Variants in DLG2 observed in about 807,000 individuals in gnomAD.
The protein encoded by DLG2 is disks large homolog 2.
DLG2 carries 45 observed loss-of-function variants against 132.5 expected under a neutral mutation model. The observed-to-expected ratio is 0.34, with a 90% CI of 0.27 to 0.44. The LOEUF is 0.44. DLG2 is among the 20% of genes least tolerant of loss of function. The pLI, the probability that DLG2 is intolerant of heterozygous loss-of-function variation, is 1.00. For missense variants in DLG2, 1,045 were observed against 1,196.9 expected (o/e 0.87, Z 1.87); for synonymous variants, 424 against 419.6 (o/e 1.01, Z -0.13).
At chr11:84,527,128 A>T (rs1003239615) in intron 7 of DLG2, among the ~76,000 whole-genome samples, 1 of 152,218 alleles carries the variant, frequency 6.6e-6, no homozygotes, top group African/African-American at 2.4e-5. Context: ...GGACTACTGT[A>T]TAGTTCAACA....
chr11:85,541,128 C>T (rs72953987), intron 3 of DLG2, among the ~76,000 whole-genome samples: 4,243 of 152,236 alleles, frequency 0.028, 98 homozygotes, highest in East Asian at 0.091. Flanking sequence ...TTACAAAAAG[C>T]ATAATTGCTC....
chr11:83,874,444 A>G lies in DLG2; in HGVS notation c.1541T>C (p.Leu514Pro), dbSNP rs201235627. The G allele has an allele frequency of 8.7e-4, 1,396 of 1,601,302 alleles. 6 individuals carry two copies. The highest frequency in any genetic ancestry group is 7.5e-3 in the Middle Eastern group (45 of 6,000). ...STATRQPSMT[L>P]QRAVSLEGEP... ...CCCTTCCAGGGAGACGGCCCGTTGG[A>G]GAGTCATTGAAGGCTGACGAGTTGC... Residue 514 changes from leucine to proline, a missense_variant, in exon 16 of 28, where the codon CTC becomes CCC. This residue lies in a region of DLG2 where 261 missense variants were observed against 256.1 expected (regional missense o/e 1.02). Transcript: ENST00000376104.
chr11:85,584,210 T>C (rs1384913989), intron 3 of DLG2, among the ~76,000 whole-genome samples: 1 of 152,168 alleles, frequency 6.6e-6, no homozygotes, highest in Non-Finnish European at 1.5e-5. Context: ...TTCCCACTTA[T>C]AAATGATAAC....
intron 3 of DLG2, among the ~76,000 whole-genome samples, chr11:85,493,547 T>C (rs1177400808): frequency 6.6e-6 from 1 of 152,114 alleles, no homozygotes; most frequent in Non-Finnish European, 1.5e-5. Context: ...GTGTCTGTAA[T>C]AACAACTACT....
chr11:84,629,018 C>T lies in DLG2; in HGVS notation c.358-94287G>A, dbSNP rs117209872. 8.9e-3 allele frequency among the ~76,000 whole-genome samples: 1,348 copies of T among 152,288 alleles called. 8 individuals carry two copies. The highest frequency in any genetic ancestry group is 0.018 in the South Asian group (85 of 4,818). The stretch of plus-strand genomic sequence containing the variant: ...AACAGCCCCCATAGCTTTCTGCACA[C>T]GGCCAGGTCTCTCTGACAAGAACAT... On this transcript the variant is annotated intron_variant, in intron 6 of 27. Transcript: ENST00000376104.
intron 18 of DLG2, among the ~76,000 whole-genome samples, chr11:83,701,231 T>C (rs1392638610): frequency 6.6e-6 from 1 of 152,172 alleles, no homozygotes; most frequent in East Asian, 1.9e-4. Flanking sequence ...ACTCATTAGT[T>C]GAGTAACTTT....
intron 5 of DLG2, among the ~76,000 whole-genome samples, chr11:85,115,135 A>G (rs2073384407): frequency 6.6e-6 from 1 of 151,840 alleles, no homozygotes; most frequent in African/African-American, 2.4e-5. Flanking sequence ...ATAGAACTGT[A>G]CACATATTTG....
chr11:84,100,774 T>C (rs550607120), intron 9 of DLG2, among the ~76,000 whole-genome samples: 1 of 152,190 alleles, frequency 6.6e-6, no homozygotes, highest in African/African-American at 2.4e-5. Context: ...GTCAGAAAGG[T>C]TCAATGTCAA....
chr11:84,939,455 A>G (rs1014257763), intron 6 of DLG2, among the ~76,000 whole-genome samples: 1 of 152,090 alleles, frequency 6.6e-6, no homozygotes, highest in African/African-American at 2.4e-5. Context: ...ATTTCTGTTG[A>G]CTGCAATAAT....
chr11:83,608,751 A>G (rs28662450), intron 19 of DLG2, among the ~76,000 whole-genome samples: 2 of 151,176 alleles, frequency 1.3e-5, no homozygotes, highest in Non-Finnish European at 3.0e-5. Context: ...GAGAGAGAGA[A>G]AGAGAGAGAG....
intron 3 of DLG2, among the ~76,000 whole-genome samples, chr11:85,499,380 C>A (rs2093742457): frequency 6.6e-6 from 1 of 152,020 alleles, no homozygotes; most frequent in African/African-American, 2.4e-5. Flanking sequence ...AATACAACCC[C>A]CAGGACTAAA....
chr11:83,611,087 AAGTC>A (rs1359248191), intron 19 of DLG2, among the ~76,000 whole-genome samples: 7 of 152,192 alleles, frequency 4.6e-5, no homozygotes, highest in African/African-American at 1.7e-4. Context: ...TCTAAAATAA[AAGTC>A]AGTATTTTAC....
intron 6 of DLG2, among the ~76,000 whole-genome samples, chr11:84,732,296 T>C (rs1263668814): frequency 1.3e-5 from 2 of 152,110 alleles, no homozygotes; most frequent in Non-Finnish European, 2.9e-5. Flanking sequence ...ATGGATTTGC[T>C]TGATAACCTG....
chr11:84,068,036 T>C (rs557833490), intron 10 of DLG2, among the ~76,000 whole-genome samples: 1 of 152,234 alleles, frequency 6.6e-6, no homozygotes, highest in Non-Finnish European at 1.5e-5. Flanking sequence ...ATTGAAACCA[T>C]GAGACTCAGA....
intron 11 of DLG2, among the ~76,000 whole-genome samples, chr11:84,029,601 T>C (rs889016091): frequency 6.6e-6 from 1 of 152,116 alleles, no homozygotes; most frequent in African/African-American, 2.4e-5. Context: ...TAAAAATACA[T>C]ATTGCATATT....
At chr11:83,545,586 G>C (rs2096218693) in intron 19 of DLG2, among the ~76,000 whole-genome samples, 1 of 152,056 alleles carries the variant, frequency 6.6e-6, no homozygotes. Context: ...TCATGTCTCT[G>C]CATTCCCATT....
chr11:83,680,288 G>A (rs2078543656), intron 18 of DLG2, among the ~76,000 whole-genome samples: 1 of 152,100 alleles, frequency 6.6e-6, no homozygotes, highest in East Asian at 1.9e-4. Context: ...CGTGGAGTGT[G>A]GCGTGTAATT....
intron 6 of DLG2, among the ~76,000 whole-genome samples, chr11:84,836,766 T>G (rs1310802818): frequency 3.9e-5 from 6 of 151,932 alleles, no homozygotes; most frequent in Non-Finnish European, 8.8e-5. Context: ...ACATTGATTT[T>G]ATTTTTGTTG....
At chr11:83,547,168 G>A (rs568380699) in intron 19 of DLG2, among the ~76,000 whole-genome samples, 1 of 152,236 alleles carries the variant, frequency 6.6e-6, no homozygotes, top group East Asian at 1.9e-4. Flanking sequence ...TTAAAGCTAG[G>A]ATAGCAGCGA....
Sources: gnomAD v4.1 joint callset for allele counts (sites outside exome capture counted in the v4.1 genomes callset) on GRCh38, gnomAD v4.1.1 for gene constraint, gnomAD v4.1.1 regional missense constraint, MANE v1.5 for transcripts, NCBI Gene and HGNC (gene_info 2026-07-23, HGNC 2026-07-21) for gene names.